The following PTK2B variants were observed in gnomAD, a reference collection of about 807,000 sequenced individuals.
The protein encoded by PTK2B is protein-tyrosine kinase 2-beta.
A neutral mutation model predicts 142.9 loss-of-function variants in PTK2B; 71 were observed. The observed-to-expected ratio is 0.50, with a 90% CI of 0.41 to 0.61. PTK2B has a LOEUF of 0.61. PTK2B is among the 20% of genes least tolerant of loss of function. PTK2B has a pLI of 0.00. For missense variants in PTK2B, 1,105 were observed against 1,320.4 expected (o/e 0.84, Z 2.53); for synonymous variants, 519 against 503.4 (o/e 1.03, Z -0.42).
At chr8:27,343,587 A>T (rs564507377) in intron 1 of PTK2B, among the ~76,000 whole-genome samples, 1 of 152,318 alleles carries the variant, frequency 6.6e-6, no homozygotes, top group Admixed American at 6.5e-5. Flanking sequence ...AGCTCACAGA[A>T]TGCACCTTCA....
intron 1 of PTK2B, among the ~76,000 whole-genome samples, chr8:27,378,309 G>A (rs1463288398): frequency 1.3e-5 from 2 of 152,164 alleles, no homozygotes; most frequent in East Asian, 1.9e-4. Context: ...AGGAATCTTG[G>A]GCTATGGTGA....
At chr8:27,425,083 G>A (rs892241605) in intron 5 of PTK2B, among the ~76,000 whole-genome samples, 24 of 120,052 alleles carry the variant, frequency 2.0e-4, no homozygotes, top group Admixed American at 1.5e-3. Context: ...TATAAAACAC[G>A]TTATGTTTCT....
intron 1 of PTK2B, among the ~76,000 whole-genome samples, chr8:27,349,792 G>A (rs1804937394): frequency 6.6e-6 from 1 of 152,212 alleles, no homozygotes. Flanking sequence ...ATTCCAACAT[G>A]CCTAAAACCC....
Position 27,363,634 on chromosome 8 carries a change from C to T in PTK2B, c.-37-33914C>T, listed in dbSNP as rs1805848358. On this transcript the variant is annotated intron_variant, in intron 1 of 30. Transcript: ENST00000346049. The surrounding 1 kb of genome is among the most constrained non-coding windows in gnomAD (Gnocchi z 4.3). ...TTTGGGTCTACCCCTGCCCTTCTTG[C>T]AAGTCCTCCTTTTTCTCATCATGGA... Among the ~76,000 whole-genome samples the T allele has an allele frequency of 6.6e-6, 1 of 152,136 alleles. No individual in the cohort carries two copies. The highest frequency in any genetic ancestry group is 1.5e-5 in the Non-Finnish European group (1 of 68,030).
intron 1 of PTK2B, among the ~76,000 whole-genome samples, chr8:27,361,708 G>T (rs1805716845): frequency 6.6e-6 from 1 of 152,098 alleles, no homozygotes; most frequent in Non-Finnish European, 1.5e-5. Flanking sequence ...GGTATCCCAG[G>T]TGGTCTCCCC....
chr8:27,457,927 A>C (rs1286767052), intron 30 of PTK2B, among the ~76,000 whole-genome samples: 5 of 151,320 alleles, frequency 3.3e-5, no homozygotes, highest in Non-Finnish European at 5.9e-5. Flanking sequence ...GTGAGTTGAA[A>C]TTGCACCACT....
At position 27,350,993 on chromosome 8, in the gene PTK2B, ATATATATATATATATATATATAT is replaced by A. The variant is rs1805045316; in HGVS notation, c.-38+25313_-38+25335del. 1.5e-3 allele frequency among the ~76,000 whole-genome samples: 17 copies of A among 11,452 alleles called. 2 individuals are homozygous for A. Among genetic ancestry groups the A allele is most frequent in the Non-Finnish European group, 2.0e-3 (12 of 5,888 alleles). 7.5% of individuals were successfully genotyped at this position (11,452 alleles called of 152,430 possible). A position where few individuals can be genotyped will look rare whatever the true frequency, so the allele number is the denominator to read the frequency against. On this transcript the variant is annotated intron_variant, in intron 1 of 30. Transcript: ENST00000346049. ...TCCGTCTCAAAAAAAAAAAAAAAATATATATATATATATATATATATATATATATATATATATATATATATATA... is the reference window on the plus strand; with the variant it reads ...TCCGTCTCAAAAAAAAAAAAAAAATAATATATATATATATATATATATATA...
intron 1 of PTK2B, among the ~76,000 whole-genome samples, chr8:27,328,853 A>G (rs954595354): frequency 6.6e-6 from 1 of 152,134 alleles, no homozygotes; most frequent in African/African-American, 2.4e-5. Flanking sequence ...CCCTTCTCAT[A>G]ACTCTAGCCA....
intron 2 of PTK2B, among the ~76,000 whole-genome samples, chr8:27,415,547 A>T (rs765950020): frequency 1.3e-5 from 2 of 152,242 alleles, no homozygotes; most frequent in African/African-American, 4.8e-5. Context: ...AGCACAAACT[A>T]AAAGGAAACC....
chr8:27,437,713 C>T (rs1003919325), intron 17 of PTK2B, 52 bp from the exon 18 acceptor site: 1 of 1,529,718 alleles, frequency 6.5e-7, no homozygotes, highest in African/African-American at 1.4e-5. Context: ...GGTCCCCTGG[C>T]TCCATACTGG....
In PTK2B at chr8:27,430,376, G is replaced by C. The variant is rs1444782260; in HGVS notation, c.627G>C (p.Gly209=). The C allele has an allele frequency of 1.2e-6, 2 of 1,614,178 alleles. No individual in the cohort carries two copies. Among genetic ancestry groups the C allele is most frequent in the Non-Finnish European group, 1.7e-6 (2 of 1,180,034 alleles). The part of the protein sequence containing the change: ...SNFELLEKEV[G]LDLFFPKQMQ... ...TTCCTTCTTGCAGAAAGGAAGTGGG[G>C]CTGGACTTGTTTTTCCCAAAGCAGA... Residue 209 remains glycine (G), a synonymous_variant, in exon 7 of 31, where the codon GGG becomes GGC. Transcript: ENST00000346049.
In PTK2B at chr8:27,432,245, C is replaced by G; in HGVS notation, c.886-15C>G. ...GTAGTGGGATGGTCTGAAGCTCCCC[C>G]TTCTTTTCCCACAGCCCACCTGCCT... On this transcript the variant is annotated splice_polypyrimidine_tract_variant and intron_variant, in intron 9 of 30. Coordinates refer to ENST00000346049, the MANE Select transcript of PTK2B (RefSeq NM_173176.3). The G allele has an allele frequency of 1.2e-6, 2 of 1,613,132 alleles. No homozygotes were observed. The highest frequency in any genetic ancestry group is 1.7e-6 in the Non-Finnish European group (2 of 1,179,542).
chr8:27,453,848 T>TG (rs1272793080), intron 28 of PTK2B, among the ~76,000 whole-genome samples: 1 of 152,172 alleles, frequency 6.6e-6, no homozygotes, highest in Non-Finnish European at 1.5e-5. Context: ...TACTCCAGCC[T>TG]GGGCAACAGA....
At chr8:27,354,162 G>A (rs1250539197) in intron 1 of PTK2B, among the ~76,000 whole-genome samples, 1 of 152,130 alleles carries the variant, frequency 6.6e-6, no homozygotes, top group African/African-American at 2.4e-5. Flanking sequence ...TGGTGTCTGA[G>A]CTCCCAGCCA....
chr8:27,411,635 C>T (rs1217473381), intron 2 of PTK2B, among the ~76,000 whole-genome samples: 1 of 152,170 alleles, frequency 6.6e-6, no homozygotes, highest in Non-Finnish European at 1.5e-5. Context: ...GGGTTCTCAC[C>T]CTCGTTTGTA....
chr8:27,451,683 C>T (rs1196255376), intron 27 of PTK2B, 174 bp downstream of exon 27: 8 of 1,462,636 alleles, frequency 5.5e-6, no homozygotes, highest in Admixed American at 4.9e-5. Flanking sequence ...CCGCTCCCTC[C>T]ACCCCATTCC....
chr8:27,454,311 G>A lies in PTK2B; in HGVS notation c.2733+20G>A, dbSNP rs1385801403. 3 of 1,606,414 alleles carry A rather than the reference G, an allele frequency of 1.9e-6. No homozygotes were observed. Among genetic ancestry groups the A allele is most frequent in the African/African-American group, 2.7e-5 (2 of 74,612 alleles). On this transcript the variant is annotated intron_variant, in intron 29 of 30. Coordinates refer to ENST00000346049, the MANE Select transcript of PTK2B (RefSeq NM_173176.3). ...GTGAAGGTGAGAGCAGGGCTGGGTT[G>A]GGGAGGTGGAGGCGGCTCAAGTCCG...
Position 27,458,452 on chromosome 8 carries a change from C to G in PTK2B, c.2973C>G (p.Leu991=). ...TGGCTGTGGACGCCAAGAACCTGCTCGACGCTGTGGACCAGGCCAAGGTTC... is the reference window on the plus strand; with the variant it reads ...TGGCTGTGGACGCCAAGAACCTGCTGGACGCTGTGGACCAGGCCAAGGTTC... ...HTLAVDAKNL[L]DAVDQAKVLA... is the part of the protein sequence containing the mutation. The change falls in exon 31 of 31, where the codon CTC becomes CTG. Residue 991 remains leucine, a synonymous_variant. Transcript: ENST00000346049. 2 of 1,604,128 alleles carry G rather than the reference C, an allele frequency of 1.2e-6. No individual in the cohort carries two copies. Among genetic ancestry groups the G allele is most frequent in the Non-Finnish European group, 1.7e-6 (2 of 1,175,324 alleles).
At chr8:27,420,186 C>T in intron 3 of PTK2B, 113 bp downstream of exon 3, 1 of 1,265,576 alleles carries the variant, frequency 7.9e-7, no homozygotes, top group Non-Finnish European at 1.1e-6. Flanking sequence ...TCTAGCAAAC[C>T]TGAGTGGCAT....
Sources: gnomAD v4.1 joint callset for allele counts (sites outside exome capture counted in the v4.1 genomes callset) on GRCh38, gnomAD v4.1.1 for gene constraint, Gnocchi (gnomAD v3.1) non-coding constraint, MANE v1.5 for transcripts, NCBI Gene and HGNC (gene_info 2026-07-23, HGNC 2026-07-21) for gene names.